Variants in TMPRSS9 observed in about 807,000 individuals in gnomAD.
TMPRSS9 encodes the protein transmembrane protease serine 9.
TMPRSS9 carries 113 observed loss-of-function variants against 111.4 expected under a neutral mutation model. That is an observed-to-expected ratio of 1.01 (90% confidence interval 0.87 to 1.19). The LOEUF (loss-of-function observed/expected upper bound fraction) is 1.19. Ranked by LOEUF, TMPRSS9 falls within the 50% of genes most tolerant of loss-of-function variation. The probability of loss-of-function intolerance (pLI) is 0.00; values close to 1 mark genes in which losing one functional copy is unlikely to be tolerated. For missense variants in TMPRSS9, 1,803 were observed against 1,513.1 expected, an observed-to-expected ratio of 1.19 and a Z score of -3.18; for synonymous variants, 805 against 659.1, an observed-to-expected ratio of 1.22 and a Z score of -3.39.
chr19:2,392,975 A>G (rs1312665896), intron 1 of TMPRSS9, among the ~76,000 whole-genome samples: 2 of 152,166 alleles, frequency 1.3e-5, no homozygotes, highest in Non-Finnish European at 2.9e-5. Context: ...AAATGCACCA[A>G]TCAGCACCCT....
upstream of TMPRSS9, among the ~76,000 whole-genome samples, chr19:2,388,813 G>C (rs771249056): frequency 2.0e-5 from 3 of 151,700 alleles, no homozygotes; most frequent in Admixed American, 6.6e-5. Flanking sequence ...TGTGGAGATG[G>C]GGGTCTCACT....
chr19:2,366,694 A>G, intron 1 of TMPRSS9, among the ~76,000 whole-genome samples: 1 of 151,758 alleles, frequency 6.6e-6, no homozygotes. Context: ...CACCTCTACT[A>G]AAAATACAAA....
At chr19:2,404,481 T>C (rs1007274027) in intron 6 of TMPRSS9, among the ~76,000 whole-genome samples, 13 of 149,786 alleles carry the variant, frequency 8.7e-5, no homozygotes, top group African/African-American at 3.2e-4. Context: ...AGGTGGAGGT[T>C]ACAGTGAGCC....
At chr19:2,400,535 C>A (rs1970812466) in intron 4 of TMPRSS9, among the ~76,000 whole-genome samples, 1 of 138,690 alleles carries the variant, frequency 7.2e-6, no homozygotes, top group Non-Finnish European at 1.6e-5. Context: ...GAGTGAGACT[C>A]CATCTCAAAA....
In TMPRSS9 at chr19:2,389,968, A is replaced by G. The variant is rs192491481; in HGVS notation, c.142+41A>G. 2.7e-5 allele frequency: 42 copies of G among 1,584,502 alleles called. No homozygotes were observed. In the East Asian group the frequency reaches 8.4e-4, roughly 32 times the overall value. On this transcript the variant is annotated intron_variant, in intron 1 of 17. Transcript: ENST00000648592. ...ATTGGCTGGGTTCGCAATACAAGGGACATGTGCAAAGTCACCGGGAAGTGA... is the reference window on the plus strand; with the variant it reads ...ATTGGCTGGGTTCGCAATACAAGGGGCATGTGCAAAGTCACCGGGAAGTGA...
intron 9 of TMPRSS9, 97 bp from the exon 11 acceptor site, chr19:2,413,603 G>C: frequency 1.5e-6 from 2 of 1,366,072 alleles, no homozygotes; most frequent in East Asian, 4.6e-5. Flanking sequence ...GAGAGGTCCT[G>C]GCTGTCCCAG....
At chr19:2,424,244 C>A (rs1399244700) in exon 15 of TMPRSS9, 2 of 1,400,554 alleles carry the variant, frequency 1.4e-6, no homozygotes, top group South Asian at 1.7e-5. Flanking sequence ...GTCGGCGGCG[C>A]ACTGCTTCGA....
chr19:2,384,875 G>A (rs1378921457), upstream of TMPRSS9, among the ~76,000 whole-genome samples: 5 of 149,840 alleles, frequency 3.3e-5, no homozygotes, highest in East Asian at 1.9e-4. Flanking sequence ...CCAGCTACTC[G>A]GGAAGCTGAG....
intron 9 of TMPRSS9, among the ~76,000 whole-genome samples, chr19:2,413,004 G>C (rs1226442431): frequency 6.6e-6 from 1 of 152,034 alleles, no homozygotes; most frequent in Non-Finnish European, 1.5e-5. Context: ...GACCAGCCTG[G>C]CCAACATGGT....
At chr19:2,389,788 G>A (rs1970546619) in exon 1 of TMPRSS9, 1 of 1,612,350 alleles carries the variant, frequency 6.2e-7, no homozygotes, top group African/African-American at 1.3e-5. Context: ...TCTGAGCCAT[G>A]GAGCCCACTG....
chr19:2,424,344 C>T lies in TMPRSS9; in HGVS notation c.2717+87C>T. On this transcript the variant is annotated intron_variant, in intron 15 of 17. Coordinates refer to ENST00000648592, the Ensembl canonical transcript of TMPRSS9. ...TTGCCCGAAAACGCACCCTGACCCC[C>T]TCCTTTGCCGGGAGTGCCCTCCCCA... 2 of 1,250,704 alleles carry T rather than the reference C, an allele frequency of 1.6e-6. 1 individual carries two copies. The highest frequency in any genetic ancestry group is 6.4e-5 in the South Asian group (2 of 31,148). 77.5% of individuals were successfully genotyped at this position (1,250,704 alleles called of 1,614,324 possible).
intron 1 of TMPRSS9, among the ~76,000 whole-genome samples, chr19:2,361,687 C>T (rs1400710766): frequency 1.3e-5 from 2 of 152,184 alleles, no homozygotes; most frequent in African/African-American, 4.8e-5. Context: ...GCTCGAGGGT[C>T]CTCTGTGGCC....
At chr19:2,379,962 T>C (rs1970374103) in intron 1 of TMPRSS9, among the ~76,000 whole-genome samples, 1 of 151,834 alleles carries the variant, frequency 6.6e-6, no homozygotes, top group African/African-American at 2.4e-5. Context: ...TTGCCCAAGC[T>C]GGTCTCGACC....
exon 18 of TMPRSS9, chr19:2,426,022 C>T (rs1291651157): frequency 2.6e-5 from 42 of 1,608,240 alleles, no homozygotes; most frequent in Non-Finnish European, 3.6e-5. Flanking sequence ...GCCGGCCCCA[C>T]TTCCCAGGTG....
intron 1 of TMPRSS9, among the ~76,000 whole-genome samples, chr19:2,363,207 G>A (rs1191262586): frequency 1.3e-5 from 2 of 152,234 alleles, no homozygotes; most frequent in Non-Finnish European, 2.9e-5. Flanking sequence ...TTCTTGGACT[G>A]TCTAAAATTC....
intron 1 of TMPRSS9, among the ~76,000 whole-genome samples, chr19:2,393,185 G>A (rs1042608487): frequency 6.6e-6 from 1 of 152,142 alleles, no homozygotes. Context: ...CAGTGTAGAG[G>A]ATTTGTTTTT....
upstream of TMPRSS9, among the ~76,000 whole-genome samples, chr19:2,389,530 G>A (rs1432930587): frequency 6.6e-6 from 1 of 151,672 alleles, no homozygotes; most frequent in Non-Finnish European, 1.5e-5. Flanking sequence ...CAACATGCCT[G>A]GCTAATTTTG....
rs185288218 is a variant in TMPRSS9 at position 2,425,754 on chromosome 19, C to T, written c.3121-173C>T. The T allele has an allele frequency of 2.4e-3, 2,820 of 1,163,442 alleles. 53 individuals carry two copies. In the Admixed American group the frequency reaches 0.052, roughly 22 times the overall value. 72.1% of individuals were successfully genotyped at this position (1,163,442 alleles called of 1,614,324 possible). ...GAGGCACCGTTCCACTCCGGGACCA[C>T]GTGGCGGGTGTCCATAAATGTCTGC... On this transcript the variant is annotated intron_variant, in intron 17 of 17. Coordinates refer to ENST00000648592, the Ensembl canonical transcript of TMPRSS9.
intron 1 of TMPRSS9, 149 bp downstream of exon 2, chr19:2,390,076 G>A: frequency 1.0e-6 from 1 of 996,300 alleles, no homozygotes; most frequent in South Asian, 1.7e-5. Context: ...CCAGGCGGGT[G>A]GGCGGGGAGT....
Sources: allele counts gnomAD v4.1 joint callset (sites outside exome capture counted in the v4.1 genomes callset), GRCh38; gene constraint gnomAD v4.1.1; transcripts MANE v1.5; gene names NCBI Gene and HGNC (gene_info 2026-07-23, HGNC 2026-07-21).